Variants in ELP6 observed in about 807,000 individuals in gnomAD.
ELP6 encodes elongator complex protein 6.
In ELP6, 23 loss-of-function variants were observed where a neutral mutation model predicts 28.1. That is an observed-to-expected ratio of 0.82 (90% CI 0.59 to 1.16). ELP6 has a LOEUF of 1.16. Among genes scored for constraint, ELP6 ranks in the 50% most tolerant of loss-of-function variants. The probability of loss-of-function intolerance (pLI) is 0.00; values close to 1 mark genes in which losing one functional copy is unlikely to be tolerated. For synonymous variants in ELP6, 132 were observed against 135.8 expected, an observed-to-expected ratio of 0.97 and a Z score of 0.19; for missense variants, 313 against 334.6, an observed-to-expected ratio of 0.94 and a Z score of 0.50.
In ELP6 at chr3:47,504,571, T is replaced by C. The variant is rs568771826; in HGVS notation, c.205-123A>G. ...GGCAGAAGTGTATCTGATCACCCAA[T>C]GTACAGGCCTGTCTTCATTCCCCTG... On this transcript the variant is annotated intron_variant, in intron 3 of 6. Coordinates refer to ENST00000296149, the MANE Select transcript of ELP6 (RefSeq NM_001031703.3). 2.7e-4 allele frequency: 361 copies of C among 1,340,630 alleles called. 2 individuals carry two copies. In the African/African-American group the frequency reaches 4.7e-3, roughly 18 times the overall value. The allele number at this position is 1,340,630 out of a possible 1,614,324, so 83.0% of individuals were successfully genotyped here.
At chr3:47,504,538 C>T in intron 3 of ELP6, 90 bp from the exon 4 acceptor site, 2 of 1,437,318 alleles carry the variant, frequency 1.4e-6, no homozygotes, top group Non-Finnish European at 1.8e-6. Context: ...AAGACACCTT[C>T]CAAACTTGGC....
At chr3:47,500,183 G>A in intron 5 of ELP6, 1 of 1,118,076 alleles carries the variant, frequency 8.9e-7, no homozygotes, top group African/African-American at 1.7e-5. Context: ...TGTTATTTTT[G>A]GGCAATGGAC....
intron 3 of ELP6, among the ~76,000 whole-genome samples, chr3:47,509,058 C>T (rs963500176): frequency 6.6e-6 from 1 of 152,016 alleles, no homozygotes; most frequent in African/African-American, 2.4e-5. Flanking sequence ...GCCACCGTGC[C>T]CAGCCTTTTT....
intron 3 of ELP6, chr3:47,504,711 C>T (rs1412107085): frequency 1.4e-5 from 13 of 928,060 alleles, no homozygotes; most frequent in Non-Finnish European, 1.7e-5. Flanking sequence ...GTCCCAGCTA[C>T]TTGGGAGGCT....
chr3:47,507,873 C>T (rs758895305), intron 3 of ELP6, among the ~76,000 whole-genome samples: 6 of 152,188 alleles, frequency 3.9e-5, no homozygotes, highest in Non-Finnish European at 8.8e-5. Context: ...GAAGCTCACG[C>T]TCCAGTACTT....
At chr3:47,499,959 C>G in intron 5 of ELP6, 1 of 1,351,110 alleles carries the variant, frequency 7.4e-7, no homozygotes. Flanking sequence ...CTGGTGGTGT[C>G]GGCCAAGTTT....
chr3:47,508,389 G>A (rs1394632042), intron 3 of ELP6, among the ~76,000 whole-genome samples: 5 of 152,106 alleles, frequency 3.3e-5, no homozygotes, highest in African/African-American at 7.2e-5. Flanking sequence ...GATTATAGGC[G>A]TGAGCCACCA....
intron 1 of ELP6, chr3:47,512,497 G>T: frequency 1.8e-6 from 1 of 565,970 alleles, no homozygotes; most frequent in Non-Finnish European, 2.2e-6. Flanking sequence ...GTTGCAGGGA[G>T]CCGAGATCGC....
At position 47,505,469 on chromosome 3, in the gene ELP6, A is replaced by G. The variant is rs1366020768; in HGVS notation, c.205-1021T>C. Among the ~76,000 whole-genome samples, 4 of 152,212 alleles carry G rather than the reference A, an allele frequency of 2.6e-5. No individual in the cohort carries two copies. In the East Asian group the frequency reaches 5.8e-4, roughly 22 times the overall value. ...GCCTAGGCTGGAGTGCAGTGACGCA[A>G]TCTCAGCTCACTGCAACCTCTGCCT... On this transcript the variant is annotated intron_variant, in intron 3 of 6. Transcript: ENST00000296149.
intron 4 of ELP6, chr3:47,502,446 C>G (rs1056908282): frequency 4.1e-6 from 4 of 982,884 alleles, no homozygotes; most frequent in African/African-American, 1.8e-5. Context: ...AAAAGAGACA[C>G]CATACAGCCT....
At chr3:47,510,859 A>G (rs1466039435) in intron 2 of ELP6, among the ~76,000 whole-genome samples, 1 of 152,160 alleles carries the variant, frequency 6.6e-6, no homozygotes, top group Non-Finnish European at 1.5e-5. Flanking sequence ...ACCAAGGAGC[A>G]ACAAAATCAG....
At chr3:47,502,096 GCTC>G (rs1708679352) in intron 4 of ELP6, among the ~76,000 whole-genome samples, 3 of 152,086 alleles carry the variant, frequency 2.0e-5, no homozygotes, top group Non-Finnish European at 4.4e-5. Context: ...AAAATAAACA[GCTC>G]CTAGCGCCCT....
rs1708620011 is a variant in ELP6, at chr3:47,500,563, AAG to A, written c.525+1085_525+1086del. On this transcript the variant is annotated intron_variant, in intron 5 of 6. Coordinates refer to ENST00000296149, the MANE Select transcript of ELP6 (RefSeq NM_001031703.3). ...GCCCAAGTTTTACTTTTTCAACTAAAAGAAGTATTCTTACAAAAAGAGGGTGG... is the reference window on the plus strand; with the variant it reads ...GCCCAAGTTTTACTTTTTCAACTAAAAAGTATTCTTACAAAAAGAGGGTGG... Among the ~76,000 whole-genome samples, 4 of 152,208 alleles carry A rather than the reference AAG, an allele frequency of 2.6e-5. No individual in the cohort carries two copies. The South Asian group carries it at 6.2e-4, about 24-fold the overall frequency.
intron 5 of ELP6, 39 bp from the exon 6 acceptor site, chr3:47,498,471 A>C: frequency 1.9e-6 from 3 of 1,603,356 alleles, no homozygotes; most frequent in Non-Finnish European, 2.5e-6. Context: ...TCCTTACTGG[A>C]AAGGACACCC....
chr3:47,512,775 G>A (rs1471339742), intron 1 of ELP6: 1 of 941,502 alleles, frequency 1.1e-6, no homozygotes, highest in Non-Finnish European at 1.3e-6. Flanking sequence ...GAACAGCAGC[G>A]TTCAATACAA....
chr3:47,504,257 C>A, intron 4 of ELP6, 73 bp downstream of exon 4: 9 of 1,495,626 alleles, frequency 6.0e-6, no homozygotes, highest in Non-Finnish European at 8.1e-6. Flanking sequence ...GAAGGAATCA[C>A]ACAGCAACCA....
intron 3 of ELP6, among the ~76,000 whole-genome samples, chr3:47,505,899 G>T (rs893834413): frequency 1.3e-4 from 20 of 152,100 alleles, no homozygotes; most frequent in Admixed American, 1.2e-3. Flanking sequence ...GTAGAAACAG[G>T]GTTTCACCAT....
chr3:47,503,233 C>A, intron 4 of ELP6: 1 of 1,203,436 alleles, frequency 8.3e-7, no homozygotes, highest in Admixed American at 3.4e-5. Flanking sequence ...CATGGCCTCA[C>A]ACCCACTGCA....
rs759438726 is a variant in ELP6, at chr3:47,504,373, C to T, written c.280G>A (p.Val94Ile). 8.7e-6 allele frequency: 14 copies of T among 1,610,614 alleles called. No individual in the cohort carries two copies. In the South Asian group the frequency reaches 1.1e-4, roughly 13 times the overall value. Residue 94 changes from valine (V) to isoleucine (I), a missense_variant, in exon 4 of 7, where the codon GTC becomes ATC. Transcript: ENST00000296149. Reference sequence around the variant, plus strand: ...TGTGGCTCCTTTTGAGCCTGGAAGACGACGTCCACTGCAGACTTGAGTCCC... The same window carrying T: ...TGTGGCTCCTTTTGAGCCTGGAAGATGACGTCCACTGCAGACTTGAGTCCC... The part of the protein sequence containing the change: ...LEGLKSAVDV[V>I]FQAQKEPHPL...
Sources: allele counts gnomAD v4.1 joint callset (sites outside exome capture counted in the v4.1 genomes callset), GRCh38; gene constraint gnomAD v4.1.1; transcripts MANE v1.5; gene names NCBI Gene and HGNC (gene_info 2026-07-23, HGNC 2026-07-21).